The following TRHDE variants were observed in gnomAD, a reference collection of about 807,000 sequenced individuals.
TRHDE encodes thyrotropin-releasing hormone-degrading ectoenzyme.
TRHDE carries 72 observed loss-of-function variants against 125.7 expected under a neutral mutation model. The ratio of observed to expected loss-of-function variants is 0.57; its 90% CI spans 0.47 to 0.70. TRHDE has a LOEUF of 0.70. Ranked by LOEUF, TRHDE falls within the 30% of genes least tolerant of loss-of-function variation. The pLI is 0.00. For missense variants in TRHDE, 1,110 were observed against 1,327.1 expected (o/e 0.84, Z 2.54); for synonymous variants, 509 against 509.1 (o/e 1.00, Z 0.00).
intron 2 of TRHDE, among the ~76,000 whole-genome samples, chr12:72,329,323 G>A (rs1268950709): frequency 6.6e-6 from 1 of 152,142 alleles, no homozygotes; most frequent in Non-Finnish European, 1.5e-5. Context: ...AGTTTAAATA[G>A]CAGGAAACAA....
chr12:72,477,306 T>C (rs1442328554), intron 5 of TRHDE, among the ~76,000 whole-genome samples: 1 of 152,202 alleles, frequency 6.6e-6, no homozygotes, highest in African/African-American at 2.4e-5. Context: ...TTCTTAGGCT[T>C]ATACCAATTA....
At position 72,166,510 on chromosome 12, in the gene TRHDE, A is replaced by G. The variant is rs150138113; in HGVS notation, n.279+60758A>G. ...AGACTCTAGCAGGGACTAGATATCT[A>G]TATGAGCTATTTCTCATGAATTTGG... is the stretch of plus-strand genomic sequence containing the variant. On this transcript the variant is annotated intron_variant and non_coding_transcript_variant, in intron 2 of 4. Coordinates refer to the TRHDE transcript ENST00000548156. Among the ~76,000 whole-genome samples the G allele has an allele frequency of 6.6e-3, 1,002 of 152,344 alleles. 2 individuals are homozygous for G. The highest frequency in any genetic ancestry group is 0.051 in the Middle Eastern group (15 of 294).
intron 2 of TRHDE, among the ~76,000 whole-genome samples, chr12:72,296,503 G>C (rs1436446918): frequency 6.6e-6 from 1 of 152,086 alleles, no homozygotes; most frequent in Non-Finnish European, 1.5e-5. Flanking sequence ...GGAAAGCAGT[G>C]CCTGAGTATT....
intron 3 of TRHDE, among the ~76,000 whole-genome samples, chr12:72,392,808 C>T (rs1329698706): frequency 6.6e-6 from 1 of 152,136 alleles, no homozygotes; most frequent in African/African-American, 2.4e-5. Flanking sequence ...TATTTTTCTA[C>T]ATTTTTGTAC....
chr12:72,238,315 T>TATATATATACACACACACATATAC (rs1878393069), intron 2 of TRHDE, among the ~76,000 whole-genome samples: 1 of 32,024 alleles, frequency 3.1e-5, no homozygotes, highest in African/African-American at 1.2e-4. Context: ...TATATATATA[T>TATATATATACACACACACATATAC]ATATATACAT....
At chr12:72,311,084 A>G (rs1239861560) in intron 2 of TRHDE, among the ~76,000 whole-genome samples, 1 of 152,174 alleles carries the variant, frequency 6.6e-6, no homozygotes, top group East Asian at 1.9e-4. Context: ...TGACAAATGC[A>G]TATAGTCATT....
chr12:72,130,040 G>A (rs946717272), intron 2 of TRHDE, among the ~76,000 whole-genome samples: 9 of 152,154 alleles, frequency 5.9e-5, no homozygotes, highest in African/African-American at 1.7e-4. Context: ...GGTGGCTCAC[G>A]CCTGTAATCC....
At chr12:72,656,678 A>T (rs1287694464) in intron 17 of TRHDE, among the ~76,000 whole-genome samples, 1 of 152,048 alleles carries the variant, frequency 6.6e-6, no homozygotes, top group Non-Finnish European at 1.5e-5. Context: ...CCTTTAAAAA[A>T]TTTGCTACAA....
In TRHDE at chr12:72,663,853, A is replaced by C. The variant is rs1875013863; in HGVS notation, c.*658A>C. The C allele has an allele frequency of 6.6e-6, 1 of 152,108 alleles. No individual in the cohort carries two copies. Among genetic ancestry groups the C allele is most frequent in the Admixed American group, 6.6e-5 (1 of 15,254 alleles). 9.4% of individuals were successfully genotyped at this position (152,108 alleles called of 1,614,324 possible). A position where few individuals can be genotyped will look rare whatever the true frequency, so the allele number is the denominator to read the frequency against. On this transcript the variant is annotated 3_prime_UTR_variant, in exon 19 of 19. Coordinates refer to ENST00000261180, the MANE Select transcript of TRHDE (RefSeq NM_013381.3). ...GCTGTGTATACATTTTAAAAGGCAT[A>C]TAGATAGTGTATGCATATGTATATG...
At chr12:72,640,549 T>G (rs1436664403) in intron 15 of TRHDE, among the ~76,000 whole-genome samples, 2 of 151,736 alleles carry the variant, frequency 1.3e-5, no homozygotes. Flanking sequence ...CCTTTGTTTC[T>G]TTATCAAATT....
chr12:72,410,908 A>G (rs946751447), intron 3 of TRHDE, among the ~76,000 whole-genome samples: 1 of 151,990 alleles, frequency 6.6e-6, no homozygotes, highest in South Asian at 2.1e-4. Context: ...AAAACAACAT[A>G]CAGGCCGGGC....
At chr12:72,424,505 T>C (rs1241793698) in intron 3 of TRHDE, among the ~76,000 whole-genome samples, 1 of 152,128 alleles carries the variant, frequency 6.6e-6, no homozygotes, top group Non-Finnish European at 1.5e-5. Flanking sequence ...AGACCTGTGT[T>C]GGACTTATAA....
At chr12:72,618,389 T>C (rs1251335256) in intron 12 of TRHDE, among the ~76,000 whole-genome samples, 1 of 152,112 alleles carries the variant, frequency 6.6e-6, no homozygotes, top group East Asian at 1.9e-4. Flanking sequence ...TAAAAAAAGG[T>C]TTGAAAAACA....
chr12:72,472,820 A>G (rs1876711103), intron 4 of TRHDE, among the ~76,000 whole-genome samples: 1 of 152,088 alleles, frequency 6.6e-6, no homozygotes, highest in Admixed American at 6.5e-5. Flanking sequence ...CTCCAAGTCA[A>G]ATATTCTTTT....
intron 2 of TRHDE, among the ~76,000 whole-genome samples, chr12:72,209,404 C>A (rs1024399204): frequency 2.0e-5 from 3 of 152,110 alleles, no homozygotes; most frequent in African/African-American, 7.2e-5. Flanking sequence ...TACAAGCATG[C>A]AGTTTTTAAA....
At chr12:72,246,033 T>G (rs1878569640) in intron 2 of TRHDE, among the ~76,000 whole-genome samples, 1 of 152,188 alleles carries the variant, frequency 6.6e-6, no homozygotes, top group Admixed American at 6.5e-5. Flanking sequence ...AGCCTCTCTC[T>G]TAGTCACAAA....
At chr12:72,250,864 T>TATATA (rs1415968314) in intron 2 of TRHDE, among the ~76,000 whole-genome samples, 44 of 54,578 alleles carry the variant, frequency 8.1e-4, no homozygotes, top group Non-Finnish European at 1.3e-3. Context: ...ATATATATAT[T>TATATA]TTATTTTTAT....
At chr12:72,227,234 G>A (rs926583018) in intron 2 of TRHDE, among the ~76,000 whole-genome samples, 12 of 152,126 alleles carry the variant, frequency 7.9e-5, no homozygotes, top group African/African-American at 2.9e-4. Flanking sequence ...ACCTAAGACT[G>A]GAAATTTATA....
At chr12:72,190,153 A>G (rs2139348141) in intron 2 of TRHDE, among the ~76,000 whole-genome samples, 1 of 152,288 alleles carries the variant, frequency 6.6e-6, no homozygotes, top group East Asian at 1.9e-4. Context: ...CTCCATCATC[A>G]GGTAGAAATG....
Sources: gnomAD v4.1 joint callset for allele counts (sites outside exome capture counted in the v4.1 genomes callset) on GRCh38, gnomAD v4.1.1 for gene constraint, MANE v1.5 for transcripts, NCBI Gene and HGNC (gene_info 2026-07-23, HGNC 2026-07-21) for gene names.